The following RAB3IP variants were observed in gnomAD, a reference collection of about 807,000 sequenced individuals.
RAB3IP encodes the protein RAB3A interacting protein, also known as rab-3A-interacting protein.
In RAB3IP, 36 loss-of-function variants were observed where a neutral mutation model predicts 59.1. The ratio of observed to expected loss-of-function variants is 0.61; its 90% CI spans 0.47 to 0.80. RAB3IP has a LOEUF of 0.80. RAB3IP is among the 30% of genes least tolerant of loss of function. The probability of loss-of-function intolerance (pLI) is 0.00; values close to 1 mark genes in which losing one functional copy is unlikely to be tolerated. For missense variants in RAB3IP, 511 were observed against 536.0 expected, an observed-to-expected ratio of 0.95 and a Z score of 0.46; for synonymous variants, 207 against 191.2, an observed-to-expected ratio of 1.08 and a Z score of -0.68.
At chr12:69,759,672 C>CTCCT (rs71094739) in intron 3 of RAB3IP, among the ~76,000 whole-genome samples, 53,536 of 146,482 alleles carry the variant, frequency 0.37, 10,308 homozygotes, top group East Asian at 0.62. Context: ...CCCCACCTCC[C>CTCCT]GGACGGGGCG....
chr12:69,806,755 C>T (rs1253602416), intron 8 of RAB3IP, among the ~76,000 whole-genome samples: 1 of 151,978 alleles, frequency 6.6e-6, no homozygotes, highest in Non-Finnish European at 1.5e-5. Context: ...TCCCTGGGTA[C>T]TTGAGATTAG....
chr12:69,815,311 A>G (rs1254563781), intron 10 of RAB3IP, 53 bp from the exon 11 acceptor site: 1 of 1,285,628 alleles, frequency 7.8e-7, no homozygotes, highest in South Asian at 1.2e-5. Flanking sequence ...AACATTAAAA[A>G]TAATGAAGAT....
chr12:69,772,186 A>G (rs907764879), intron 3 of RAB3IP, among the ~76,000 whole-genome samples: 13 of 151,984 alleles, frequency 8.6e-5, no homozygotes, highest in Non-Finnish European at 1.9e-4. Context: ...TCTTCTTACA[A>G]TTTTTGGCTT....
At chr12:69,792,269 A>G (rs759743419) in intron 4 of RAB3IP, among the ~76,000 whole-genome samples, 56 of 152,204 alleles carry the variant, frequency 3.7e-4, no homozygotes, top group Non-Finnish European at 6.6e-4. Context: ...AAATTTGCTA[A>G]GAAGGTAGAT....
In RAB3IP at chr12:69,815,701, T is replaced by C. The variant is rs1273675030; in HGVS notation, c.*255T>C. The C allele has an allele frequency of 1.9e-5, 5 of 260,302 alleles. No individual in the cohort carries two copies. Among genetic ancestry groups the C allele is most frequent in the Non-Finnish European group, 3.6e-5 (5 of 138,954 alleles). 16.1% of individuals were successfully genotyped at this position (260,302 alleles called of 1,614,324 possible). A position where few individuals can be genotyped will look rare whatever the true frequency, so the allele number is the denominator to read the frequency against. On this transcript the variant is annotated 3_prime_UTR_variant, in exon 11 of 11. Transcript: ENST00000247833. ...ATAGTTGCCAAAAAAAAAAAAAACC[T>C]GAAATAAATAAATGTTAGATTGAAT...
intron 3 of RAB3IP, among the ~76,000 whole-genome samples, chr12:69,769,698 A>C (rs1872789713): frequency 6.6e-6 from 1 of 152,232 alleles, no homozygotes; most frequent in Non-Finnish European, 1.5e-5. Flanking sequence ...GCATTACAGT[A>C]GGTTGTGTAG....
chr12:69,795,346 TAA>T lies in RAB3IP; in HGVS notation c.888+3_888+4del. 6.2e-7 allele frequency: 1 copy of T among 1,608,522 alleles called. No homozygotes were observed. Among genetic ancestry groups the T allele is most frequent in the African/African-American group, 1.3e-5 (1 of 74,910 alleles). On this transcript the variant is annotated splice_donor_region_variant and intron_variant, in intron 6 of 10. Transcript: ENST00000247833. ...CCAATTGTAAAAGACTGCAAAGAGGTAACTCATCAAGGACTGTCCCCTCTGAC... is the reference window on the plus strand; with the variant it reads ...CCAATTGTAAAAGACTGCAAAGAGGTCTCATCAAGGACTGTCCCCTCTGAC...
intron 3 of RAB3IP, among the ~76,000 whole-genome samples, chr12:69,767,884 G>A (rs1400195786): frequency 6.6e-6 from 1 of 152,038 alleles, no homozygotes; most frequent in South Asian, 2.1e-4. Flanking sequence ...ATCTGCCTCA[G>A]TGTGAAGTGG....
intron 10 of RAB3IP, among the ~76,000 whole-genome samples, chr12:69,814,277 A>G (rs528902952): frequency 6.6e-6 from 1 of 152,354 alleles, no homozygotes; most frequent in Non-Finnish European, 1.5e-5. Flanking sequence ...AAGTGTTACG[A>G]GTAATGAATG....
At chr12:69,745,951 C>CTT (rs199779653) in intron 1 of RAB3IP, among the ~76,000 whole-genome samples, 7 of 151,966 alleles carry the variant, frequency 4.6e-5, no homozygotes, top group Non-Finnish European at 1.0e-4. Flanking sequence ...CTCTCAGCCT[C>CTT]TTTTTTTTAT....
rs188430186 is a variant in RAB3IP, at chr12:69,772,547, C to T, written c.511-12173C>T. Among the ~76,000 whole-genome samples, 27 of 152,194 alleles carry T rather than the reference C, an allele frequency of 1.8e-4. 1 individual carries two copies. The Middle Eastern group carries it at 0.01, about 58-fold the overall frequency. On this transcript the variant is annotated intron_variant, in intron 3 of 10. Coordinates refer to ENST00000247833, the MANE Select transcript of RAB3IP (RefSeq NM_022456.5). Reference sequence around the variant, plus strand: ...TCTAGTAATATGTTTTGACACCTTGCCTTTTACTTTTAGTGTATCTATTGT... The same window carrying T: ...TCTAGTAATATGTTTTGACACCTTGTCTTTTACTTTTAGTGTATCTATTGT...
chr12:69,793,063 G>C (rs937969375), intron 4 of RAB3IP, among the ~76,000 whole-genome samples: 1 of 151,270 alleles, frequency 6.6e-6, no homozygotes, highest in East Asian at 1.9e-4. Context: ...AGATAGTTTT[G>C]TGTTGACAGC....
chr12:69,748,761 G>A (rs547079717), intron 1 of RAB3IP, among the ~76,000 whole-genome samples: 10 of 152,228 alleles, frequency 6.6e-5, no homozygotes, highest in East Asian at 5.8e-4. Flanking sequence ...TGCTTAATGC[G>A]AAAGATACTA....
At chr12:69,813,170 T>C in intron 10 of RAB3IP, 137 bp downstream of exon 10, 1 of 601,700 alleles carries the variant, frequency 1.7e-6, no homozygotes, top group South Asian at 2.7e-5. Context: ...GAATCCCTTC[T>C]ATAGTTCTAA....
rs1017066059 is a variant in RAB3IP, at chr12:69,821,905, A to T, written c.*6459A>T. The stretch of plus-strand genomic sequence containing the variant: ...TACTCACTTATCTGCTGGGCCTTGG[A>T]AGTATTTCAGTTCGGAACCCCAATT... On this transcript the variant is annotated 3_prime_UTR_variant, in exon 11 of 11. Coordinates refer to ENST00000247833, the MANE Select transcript of RAB3IP (RefSeq NM_022456.5). 6.6e-6 allele frequency: 1 copy of T among 152,312 alleles called. No homozygotes were observed. The highest frequency in any genetic ancestry group is 6.5e-5 in the Admixed American group (1 of 15,294). 9.4% of individuals were successfully genotyped at this position (152,312 alleles called of 1,614,324 possible). A position where few individuals can be genotyped will look rare whatever the true frequency, so the allele number is the denominator to read the frequency against.
intron 1 of RAB3IP, among the ~76,000 whole-genome samples, chr12:69,740,282 T>G (rs1887187215): frequency 6.6e-6 from 1 of 152,200 alleles, no homozygotes; most frequent in Non-Finnish European, 1.5e-5. Flanking sequence ...TTATGGGGCC[T>G]TGTTCTGTTA....
In RAB3IP at chr12:69,791,800, C is replaced by G. The variant is rs993299250; in HGVS notation, c.607-2637C>G. On this transcript the variant is annotated intron_variant, in intron 4 of 10. Transcript: ENST00000247833. Reference sequence around the variant, plus strand: ...AAAATAAAGCTACCGCATGATCCAGCAATCCCACTTCCAGATATATATCCA... The same window carrying G: ...AAAATAAAGCTACCGCATGATCCAGGAATCCCACTTCCAGATATATATCCA... Among the ~76,000 whole-genome samples the G allele has an allele frequency of 3.6e-4, 55 of 152,214 alleles. 1 individual carries two copies. Among genetic ancestry groups the G allele is most frequent in the African/African-American group, 1.3e-3 (53 of 41,456 alleles).
At chr12:69,798,323 G>A (rs1308100226) in intron 6 of RAB3IP, among the ~76,000 whole-genome samples, 5 of 151,540 alleles carry the variant, frequency 3.3e-5, no homozygotes, top group South Asian at 4.2e-4. Flanking sequence ...AAATGTCTTC[G>A]TTTGAGAAGT....
chr12:69,758,350 T>TA (rs1385354261), intron 3 of RAB3IP, among the ~76,000 whole-genome samples: 1 of 152,212 alleles, frequency 6.6e-6, no homozygotes, highest in Non-Finnish European at 1.5e-5. Flanking sequence ...TTTACCATCT[T>TA]ACTGTTTGTT....
Sources: allele counts gnomAD v4.1 joint callset (sites outside exome capture counted in the v4.1 genomes callset), GRCh38; gene constraint gnomAD v4.1.1; transcripts MANE v1.5; gene names NCBI Gene and HGNC (gene_info 2026-07-23, HGNC 2026-07-21).